Variants in FER observed in about 807,000 individuals in gnomAD.
FER encodes FER tyrosine kinase.
In FER, 63 loss-of-function variants were observed where a neutral mutation model predicts 111.0. The ratio of observed to expected loss-of-function variants is 0.57; its 90% confidence interval spans 0.46 to 0.70. The LOEUF (loss-of-function observed/expected upper bound fraction) is 0.70. Among genes scored for constraint, FER ranks in the 30% least tolerant of loss-of-function variants. FER has a pLI of 0.00. For missense variants in FER, 914 were observed against 954.0 expected, an observed-to-expected ratio of 0.96 and a Z score of 0.55; for synonymous variants, 327 against 313.9, an observed-to-expected ratio of 1.04 and a Z score of -0.44.
At chr5:109,036,854 G>A (rs912403288) in intron 13 of FER, among the ~76,000 whole-genome samples, 1 of 151,870 alleles carries the variant, frequency 6.6e-6, no homozygotes, top group Admixed American at 6.6e-5. Flanking sequence ...TTGCATCACT[G>A]GCCTTATGCA....
At chr5:109,160,501 G>T (rs568622456) in intron 17 of FER, among the ~76,000 whole-genome samples, 9 of 152,146 alleles carry the variant, frequency 5.9e-5, no homozygotes, top group Non-Finnish European at 1.2e-4. Context: ...GTAACTTGCT[G>T]TGCAAAATAC....
chr5:108,794,303 C>T (rs759620144), intron 2 of FER, among the ~76,000 whole-genome samples: 9 of 151,574 alleles, frequency 5.9e-5, no homozygotes, highest in South Asian at 4.2e-4. Flanking sequence ...CTGCAATCTC[C>T]GCCTCCCAGG....
chr5:108,875,570 A>G (rs189805570), intron 8 of FER, among the ~76,000 whole-genome samples: 1 of 152,238 alleles, frequency 6.6e-6, no homozygotes, highest in East Asian at 1.9e-4. Flanking sequence ...AATTAGTTGA[A>G]AAAGTAAAGT....
At chr5:109,137,927 A>C (rs1582204308) in intron 17 of FER, among the ~76,000 whole-genome samples, 1 of 152,152 alleles carries the variant, frequency 6.6e-6, no homozygotes, top group South Asian at 2.1e-4. Context: ...TGGGAATGCT[A>C]TCCTGGCCTA....
At chr5:108,942,633 A>G (rs533376096) in intron 10 of FER, among the ~76,000 whole-genome samples, 25 of 152,288 alleles carry the variant, frequency 1.6e-4, no homozygotes, top group Non-Finnish European at 2.5e-4. Flanking sequence ...GAAGCTATCT[A>G]TCTTTCATTG....
intron 16 of FER, among the ~76,000 whole-genome samples, chr5:109,090,855 A>G (rs1778088558): frequency 6.6e-6 from 1 of 152,210 alleles, no homozygotes; most frequent in African/African-American, 2.4e-5. Context: ...ATGGGACACC[A>G]TCACATGGAC....
At chr5:108,933,212 T>G (rs1431789048) in intron 10 of FER, among the ~76,000 whole-genome samples, 5 of 152,136 alleles carry the variant, frequency 3.3e-5, no homozygotes, top group African/African-American at 7.2e-5. Context: ...TCTTCTAGAG[T>G]TTTTATGATT....
chr5:109,039,335 G>A (rs1173513451), intron 14 of FER, among the ~76,000 whole-genome samples: 1 of 151,944 alleles, frequency 6.6e-6, no homozygotes, highest in Non-Finnish European at 1.5e-5. Context: ...TTTTTTGAAT[G>A]CCTACTATGT....
rs1037041983 is a variant in FER at position 109,191,540 on chromosome 5, G to A, written c.*3965G>A. 2.0e-5 allele frequency: 3 copies of A among 152,104 alleles called. No individual in the cohort carries two copies. Among genetic ancestry groups the A allele is most frequent in the African/African-American group, 7.2e-5 (3 of 41,418 alleles). The allele number at this position is 152,104 out of a possible 1,614,324, so 9.4% of individuals were successfully genotyped here. Reference sequence around the variant, plus strand: ...AAAACAGAACAGTGCAAAATAAGCAGCAGAGAGACAGACAGTTGGAAAAGA... The same window carrying A: ...AAAACAGAACAGTGCAAAATAAGCAACAGAGAGACAGACAGTTGGAAAAGA... On this transcript the variant is annotated 3_prime_UTR_variant, in exon 20 of 20. Coordinates refer to ENST00000281092, the MANE Select transcript of FER (RefSeq NM_005246.4).
chr5:109,052,713 C>G (rs1773017535), intron 16 of FER, among the ~76,000 whole-genome samples: 1 of 152,156 alleles, frequency 6.6e-6, no homozygotes, highest in South Asian at 2.1e-4. Context: ...CCTGGATAAT[C>G]TTATTTTAAG....
chr5:109,180,490 A>G (rs1050942657), intron 17 of FER, among the ~76,000 whole-genome samples: 15 of 152,138 alleles, frequency 9.9e-5, no homozygotes, highest in African/African-American at 3.6e-4. Flanking sequence ...TTTTAAAGCT[A>G]GAATCGGTGT....
chr5:109,039,762 G>A (rs1046801184), intron 14 of FER, among the ~76,000 whole-genome samples: 3 of 151,962 alleles, frequency 2.0e-5, no homozygotes, highest in Non-Finnish European at 4.4e-5. Flanking sequence ...AGGTGATGAG[G>A]GTATAAATTA....
At chr5:108,771,633 C>G (rs1386892867) in intron 2 of FER, among the ~76,000 whole-genome samples, 1 of 152,150 alleles carries the variant, frequency 6.6e-6, no homozygotes, top group African/African-American at 2.4e-5. Flanking sequence ...TGTTCAGTGC[C>G]ACATCAAAAT....
At chr5:108,816,707 A>G (rs2150091544) in intron 3 of FER, among the ~76,000 whole-genome samples, 1 of 152,308 alleles carries the variant, frequency 6.6e-6, no homozygotes, top group Non-Finnish European at 1.5e-5. Flanking sequence ...ATACATTAGA[A>G]TTAGTTGTGG....
intron 13 of FER, among the ~76,000 whole-genome samples, chr5:109,032,804 C>G (rs1581729943): frequency 6.6e-6 from 1 of 152,284 alleles, no homozygotes; most frequent in East Asian, 1.9e-4. Flanking sequence ...TCCAGAATCT[C>G]TCTAAAATAA....
chr5:108,914,452 C>T (rs1056114046), intron 10 of FER, among the ~76,000 whole-genome samples: 2 of 152,068 alleles, frequency 1.3e-5, no homozygotes, highest in African/African-American at 4.8e-5. Flanking sequence ...AACTATAGTT[C>T]GCTATTATTT....
rs1762446418 is a variant in FER at position 108,985,361 on chromosome 5, T to A, written c.1656+26014T>A. Among the ~76,000 whole-genome samples the A allele has an allele frequency of 7.2e-5, 11 of 152,222 alleles. No individual in the cohort carries two copies. The South Asian group carries it at 2.3e-3, about 31-fold the overall frequency. ...ATTGTTCTACTCTTTGACCTTTTAATATTTTTGTTTTTTCGTGCATTTAAC... is the reference window on the plus strand; with the variant it reads ...ATTGTTCTACTCTTTGACCTTTTAAAATTTTTGTTTTTTCGTGCATTTAAC... On this transcript the variant is annotated intron_variant, in intron 13 of 19. Coordinates refer to ENST00000281092, the MANE Select transcript of FER (RefSeq NM_005246.4).
chr5:109,195,990 A>C lies in FER; in HGVS notation c.*8415A>C, dbSNP rs938783176. ...CTGGCTTCTTCTGGCAAGTGCCCTA[A>C]AAGACTGGAACACTGTATAAAGTCA... On this transcript the variant is annotated 3_prime_UTR_variant, in exon 20 of 20. Coordinates refer to ENST00000281092, the MANE Select transcript of FER (RefSeq NM_005246.4). 1 of 152,178 alleles carries C rather than the reference A, an allele frequency of 6.6e-6. No homozygotes were observed. The highest frequency in any genetic ancestry group is 1.5e-5 in the Non-Finnish European group (1 of 68,046). 9.4% of individuals were successfully genotyped at this position (152,178 alleles called of 1,614,324 possible).
chr5:109,077,806 T>C (rs1282379976), intron 16 of FER, among the ~76,000 whole-genome samples: 2 of 152,330 alleles, frequency 1.3e-5, no homozygotes, highest in South Asian at 2.1e-4. Flanking sequence ...TTGCTGGTTT[T>C]TTAAAATGTT....
Sources: gnomAD v4.1 joint callset for allele counts (sites outside exome capture counted in the v4.1 genomes callset) on GRCh38, gnomAD v4.1.1 for gene constraint, MANE v1.5 for transcripts, NCBI Gene and HGNC (gene_info 2026-07-23, HGNC 2026-07-21) for gene names.